RGS5: variants seen among roughly 807,000 people sequenced by gnomAD.
RGS5 encodes regulator of G protein signaling 5.
A neutral mutation model predicts 18.9 loss-of-function variants in RGS5; 20 were observed. The observed-to-expected ratio is 1.06, with a 90% CI of 0.74 to 1.54. The LOEUF (loss-of-function observed/expected upper bound fraction) is 1.54. Among genes scored for constraint, RGS5 ranks in the 40% most tolerant of loss-of-function variants. The pLI, the probability that RGS5 is intolerant of heterozygous loss-of-function variation, is 0.00. For missense variants in RGS5, 201 were observed against 211.8 expected (o/e 0.95, Z 0.32); for synonymous variants, 57 against 76.2 (o/e 0.75, Z 1.31).
chr1:163,283,572 A>T (rs146049367), intron 2 of RGS5, among the ~76,000 whole-genome samples: 1 of 152,160 alleles, frequency 6.6e-6, no homozygotes, highest in African/African-American at 2.4e-5. Context: ...CCGTGAGTGT[A>T]TGTAGAATCC....
intron 4 of RGS5, among the ~76,000 whole-genome samples, chr1:163,147,912 C>CTTTTTATTT: frequency 9.8e-6 from 1 of 101,930 alleles, no homozygotes; most frequent in Middle Eastern, 7.4e-3. Context: ...GTGCTTTTTT[C>CTTTTTATTT]TTTTTCTTTT....
In RGS5 at chr1:163,208,327, G is replaced by A. The variant is rs368685686; in HGVS notation, c.69+9199C>T. Among the ~76,000 whole-genome samples, 499 of 104,082 alleles carry A rather than the reference G, an allele frequency of 4.8e-3. 4 individuals are homozygous for A. The highest frequency in any genetic ancestry group is 0.016 in the African/African-American group (467 of 28,308). The allele number at this position is 104,082 out of a possible 152,430, so 68.3% of individuals were successfully genotyped here. The stretch of plus-strand genomic sequence containing the variant: ...CCCGCCACTGCACTCCAGCCTGAGC[G>A]ACAGAGCGAGACTCCGTCTCAAAAA... On this transcript the variant is annotated intron_variant, in intron 1 of 5. Coordinates refer to the RGS5 transcript ENST00000367903.
At chr1:163,151,534 G>C (rs1657375020) in intron 4 of RGS5, among the ~76,000 whole-genome samples, 1 of 152,172 alleles carries the variant, frequency 6.6e-6, no homozygotes, top group African/African-American at 2.4e-5. Context: ...GTCAAGGGCA[G>C]GACCAGGTGG....
intron 2 of RGS5, among the ~76,000 whole-genome samples, chr1:163,269,831 T>G (rs1368544940): frequency 6.6e-6 from 1 of 152,170 alleles, no homozygotes; most frequent in Non-Finnish European, 1.5e-5. Flanking sequence ...GAATTGACTG[T>G]CTTTTCTAGA....
intron 2 of RGS5, among the ~76,000 whole-genome samples, chr1:163,274,355 G>C (rs1295277623): frequency 6.6e-6 from 1 of 152,186 alleles, no homozygotes; most frequent in Non-Finnish European, 1.5e-5. Flanking sequence ...AAGATACAGA[G>C]AGCTTCTACG....
At chr1:163,207,381 T>C (rs1659977357), upstream of RGS5, among the ~76,000 whole-genome samples, 1 of 152,192 alleles carries the variant, frequency 6.6e-6, no homozygotes, top group Non-Finnish European at 1.5e-5. Context: ...ATGTAGTTCA[T>C]AAAGTGGGAC....
chr1:163,305,089 G>A (rs1649660126), intron 2 of RGS5: 1 of 152,194 alleles, frequency 6.6e-6, no homozygotes, highest in Admixed American at 6.5e-5. Flanking sequence ...TAAAACAGAA[G>A]GGGAGAAGAT....
chr1:163,250,241 T>G (rs12130633), intron 2 of RGS5, among the ~76,000 whole-genome samples: 29,849 of 152,134 alleles, frequency 0.2, 3,376 homozygotes, highest in Non-Finnish European at 0.25. Flanking sequence ...GGGATACAAG[T>G]AGCAGATTTA....
At chr1:163,262,642 G>T (rs1299847679) in intron 2 of RGS5, among the ~76,000 whole-genome samples, 2 of 124,776 alleles carry the variant, frequency 1.6e-5, no homozygotes, top group Non-Finnish European at 3.3e-5. Context: ...CTTTATAGCA[G>T]CATGATTTAT....
intron 3 of RGS5, among the ~76,000 whole-genome samples, chr1:163,160,278 C>A (rs1292331023): frequency 6.6e-6 from 1 of 152,124 alleles, no homozygotes; most frequent in Non-Finnish European, 1.5e-5. Flanking sequence ...GCAATAAATA[C>A]CTGTGCTCAG....
intron 2 of RGS5, among the ~76,000 whole-genome samples, chr1:163,273,725 T>C (rs1648780457): frequency 6.6e-6 from 1 of 152,174 alleles, no homozygotes; most frequent in Admixed American, 6.6e-5. Context: ...TATCACACTT[T>C]CTTGTTTCTT....
At chr1:163,232,600 T>G (rs1450278649) in intron 2 of RGS5, among the ~76,000 whole-genome samples, 1 of 152,176 alleles carries the variant, frequency 6.6e-6, no homozygotes, top group African/African-American at 2.4e-5. Context: ...ATAGAAGACA[T>G]GCCCAGGTAC....
chr1:163,287,999 T>C (rs886936422), intron 2 of RGS5, among the ~76,000 whole-genome samples: 1 of 152,212 alleles, frequency 6.6e-6, no homozygotes, highest in Non-Finnish European at 1.5e-5. Context: ...ATTTTTAATA[T>C]TTCTAATAAT....
chr1:163,157,978 C>G (rs1239427450), intron 3 of RGS5, among the ~76,000 whole-genome samples: 1 of 152,024 alleles, frequency 6.6e-6, no homozygotes, highest in East Asian at 1.9e-4. Context: ...ACACTTGGCC[C>G]CAGTTGTGAA....
intron 3 of RGS5, among the ~76,000 whole-genome samples, chr1:163,155,196 G>T (rs914563272): frequency 2.6e-5 from 4 of 151,982 alleles, no homozygotes; most frequent in Non-Finnish European, 4.4e-5. Flanking sequence ...ACCTATCTCT[G>T]AATCACCCAT....
chr1:163,218,879 T>G (rs1660274948), upstream of RGS5, among the ~76,000 whole-genome samples: 1 of 152,278 alleles, frequency 6.6e-6, no homozygotes, highest in South Asian at 2.1e-4. Context: ...TGTGAAGATA[T>G]AACTTGGAAA....
At chr1:163,225,185 G>T (rs191715952) in intron 2 of RGS5, among the ~76,000 whole-genome samples, 1 of 152,184 alleles carries the variant, frequency 6.6e-6, no homozygotes, top group Non-Finnish European at 1.5e-5. Context: ...TGAGTATAAT[G>T]AGCATCTAAT....
chr1:163,233,357 T>C (rs961216829), intron 2 of RGS5, among the ~76,000 whole-genome samples: 39 of 152,360 alleles, frequency 2.6e-4, no homozygotes, highest in Non-Finnish European at 4.4e-4. Context: ...TAAAAGATGT[T>C]TTAAAATGAT....
At chr1:163,164,940 A>G (rs1657975707) in intron 2 of RGS5, among the ~76,000 whole-genome samples, 1 of 152,220 alleles carries the variant, frequency 6.6e-6, no homozygotes, top group South Asian at 2.1e-4. Flanking sequence ...AGAAAATTCA[A>G]GTTATTTACT....
Sources: gnomAD v4.1 joint callset for allele counts (sites outside exome capture counted in the v4.1 genomes callset) on GRCh38, gnomAD v4.1.1 for gene constraint, MANE v1.5 for transcripts, NCBI Gene and HGNC (gene_info 2026-07-23, HGNC 2026-07-21) for gene names.